Variants in GBP7 observed in about 807,000 individuals in gnomAD.
GBP7 encodes the protein guanylate binding protein 7.
GBP7 carries 43 observed loss-of-function variants against 61.3 expected under a neutral mutation model. That is an observed-to-expected ratio of 0.70 (90% CI 0.55 to 0.91). The LOEUF is 0.91. Among genes scored for constraint, GBP7 ranks in the 40% least tolerant of loss-of-function variants. The pLI, the probability that GBP7 is intolerant of heterozygous loss-of-function variation, is 0.00. For missense variants in GBP7, 717 were observed against 740.5 expected (o/e 0.97, Z 0.37); for synonymous variants, 267 against 271.0 (o/e 0.99, Z 0.14).
chr1:89,133,333 T>A lies in GBP7; in HGVS notation c.1587A>T (p.Gln529His). 6.2e-7 allele frequency: 1 copy of A among 1,614,056 alleles called. No homozygotes were observed. The highest frequency in any genetic ancestry group is 8.5e-7 in the Non-Finnish European group (1 of 1,179,964). The change falls in exon 10 of 11, where the codon CAA (glutamine) becomes CAT (histidine). Residue 529 changes from glutamine (Q) to histidine (H), a missense_variant. Around this residue, in one of 3 missense-constraint regions of GBP7, gnomAD observed 312 missense variants for 310.1 expected, o/e 1.01. Coordinates refer to ENST00000294671, the MANE Select transcript of GBP7 (RefSeq NM_207398.3). The part of the protein sequence containing the change: ...QERSFQENIA[Q>H]LKKKMERERE... ...TTTCCCTCTCCATCTTCTTCTTGAGTTGAGCTATGTTTTCCTGGAAACTTC... is the reference window on the plus strand; with the variant it reads ...TTTCCCTCTCCATCTTCTTCTTGAGATGAGCTATGTTTTCCTGGAAACTTC...
At chr1:89,161,769 T>C (rs1049075066) in intron 3 of GBP7, among the ~76,000 whole-genome samples, 1 of 152,212 alleles carries the variant, frequency 6.6e-6, no homozygotes, top group Non-Finnish European at 1.5e-5. Context: ...AGAAGCTCTT[T>C]AGTTAGTTCC....
chr1:89,151,716 A>C (rs1228306380), intron 5 of GBP7, among the ~76,000 whole-genome samples: 1 of 152,316 alleles, frequency 6.6e-6, no homozygotes. Context: ...AGGATTTGAC[A>C]GTCCTACTGG....
At position 89,132,012 on chromosome 1, in the gene GBP7, T is replaced by G; in HGVS notation, c.*137A>C. 1 of 570,418 alleles carries G rather than the reference T, an allele frequency of 1.8e-6. No individual in the cohort carries two copies. The highest frequency in any genetic ancestry group is 2.9e-6 in the Non-Finnish European group (1 of 345,930). 35.3% of individuals were successfully genotyped at this position (570,418 alleles called of 1,614,324 possible). A position where few individuals can be genotyped will look rare whatever the true frequency, so the allele number is the denominator to read the frequency against. On this transcript the variant is annotated 3_prime_UTR_variant, in exon 11 of 11. Transcript: ENST00000294671. The stretch of plus-strand genomic sequence containing the variant: ...AATTATTACTTTAGTCAAAATTAAG[T>G]TTGTTTTTATGAACTTCAGGCCATA...
chr1:89,157,725 C>G (rs944164316), intron 3 of GBP7, among the ~76,000 whole-genome samples: 5 of 141,888 alleles, frequency 3.5e-5, no homozygotes, highest in Non-Finnish European at 6.2e-5. Flanking sequence ...GCCTCCCAAC[C>G]AAAAAAAAAA....
At chr1:89,133,040 G>A (rs2100632527) in intron 10 of GBP7, among the ~76,000 whole-genome samples, 2 of 152,296 alleles carry the variant, frequency 1.3e-5, no homozygotes, top group Middle Eastern at 6.8e-3. Context: ...GCACCCTGGG[G>A]GATGTCATGT....
intron 1 of GBP7, among the ~76,000 whole-genome samples, chr1:89,174,855 A>G (rs901385804): frequency 3.9e-5 from 6 of 152,160 alleles, no homozygotes; most frequent in Non-Finnish European, 7.3e-5. Flanking sequence ...ATTGTTTTTA[A>G]TTATTTCATG....
At chr1:89,135,396 A>G (rs969581365) in intron 9 of GBP7, among the ~76,000 whole-genome samples, 1 of 152,180 alleles carries the variant, frequency 6.6e-6, no homozygotes, top group Non-Finnish European at 1.5e-5. Context: ...TGAAATGGTC[A>G]TCAGATTTTC....
chr1:89,137,277 G>GC (rs1363208380), intron 9 of GBP7, among the ~76,000 whole-genome samples: 1 of 152,006 alleles, frequency 6.6e-6, no homozygotes, highest in Non-Finnish European at 1.5e-5. Context: ...AAAATGGGGA[G>GC]CAGGGAATCT....
chr1:89,174,115 T>G (rs1647676168), intron 1 of GBP7, among the ~76,000 whole-genome samples: 1 of 152,370 alleles, frequency 6.6e-6, no homozygotes, highest in East Asian at 1.9e-4. Context: ...TTTATGTGGA[T>G]TATACCCCAG....
At chr1:89,155,265 G>C (rs577407413) in intron 3 of GBP7, among the ~76,000 whole-genome samples, 95 of 152,326 alleles carry the variant, frequency 6.2e-4, no homozygotes, top group African/African-American at 2.2e-3. Flanking sequence ...GAGCAGAAAA[G>C]CTGAAAATTC....
chr1:89,142,418 A>G (rs936540676), intron 8 of GBP7, among the ~76,000 whole-genome samples: 1 of 151,970 alleles, frequency 6.6e-6, no homozygotes, highest in African/African-American at 2.4e-5. Context: ...GGCTAATTTT[A>G]TTTTTTACTT....
At chr1:89,148,384 C>T (rs886175109) in intron 7 of GBP7, among the ~76,000 whole-genome samples, 1 of 152,206 alleles carries the variant, frequency 6.6e-6, no homozygotes, top group South Asian at 2.1e-4. Flanking sequence ...AGGATTTCCC[C>T]TCCGAGGTTT....
chr1:89,142,780 C>G (rs1178199355), intron 8 of GBP7, among the ~76,000 whole-genome samples: 1 of 13,184 alleles, frequency 7.6e-5, no homozygotes, highest in Non-Finnish European at 1.3e-4. Flanking sequence ...TTTCCTTGTT[C>G]CCTTCTTTCA....
At chr1:89,153,139 G>C (rs1489805650) in intron 3 of GBP7, among the ~76,000 whole-genome samples, 3 of 152,116 alleles carry the variant, frequency 2.0e-5, no homozygotes, top group Non-Finnish European at 2.9e-5. Context: ...TCTACTTTTT[G>C]TATGCAATAA....
chr1:89,171,514 A>C (rs1647598956), intron 2 of GBP7, among the ~76,000 whole-genome samples: 1 of 151,774 alleles, frequency 6.6e-6, no homozygotes, highest in Non-Finnish European at 1.5e-5. Flanking sequence ...TTATTATTTA[A>C]TTTTTTTATT....
chr1:89,132,113 G>A lies in GBP7; in HGVS notation c.*36C>T. On this transcript the variant is annotated 3_prime_UTR_variant, in exon 11 of 11. Transcript: ENST00000294671. ...GCAATAACACATATACTTTTAAAAT[G>A]AGCAACAGCGTTATACCATTTTAAC... 1 of 1,533,166 alleles carries A rather than the reference G, an allele frequency of 6.5e-7. No individual in the cohort carries two copies. The allele number at this position is 1,533,166 out of a possible 1,614,324, so 95.0% of individuals were successfully genotyped here. A position where few individuals can be genotyped will look rare whatever the true frequency, so the allele number is the denominator to read the frequency against.
rs2100650270 is a variant in GBP7 at position 89,154,622 on chromosome 1, C to G, written c.319-1845G>C. On this transcript the variant is annotated intron_variant, in intron 3 of 10. Coordinates refer to ENST00000294671, the MANE Select transcript of GBP7 (RefSeq NM_207398.3). ...TTGGCCTCCCAGAGTGCTGGAATTA[C>G]AGGTGTGAGCGACCACACCTGGCCT... 2.0e-5 allele frequency among the ~76,000 whole-genome samples: 3 copies of G among 151,230 alleles called. 1 individual carries two copies. The East Asian group carries it at 5.8e-4, about 29-fold the overall frequency.
At chr1:89,140,148 G>A (rs991355320) in intron 9 of GBP7, among the ~76,000 whole-genome samples, 2 of 151,916 alleles carry the variant, frequency 1.3e-5, no homozygotes, top group African/African-American at 4.8e-5. Flanking sequence ...ATAGGGACAT[G>A]GATGAAACTG....
chr1:89,161,534 C>CT lies in GBP7; in HGVS notation c.318+3196dup, dbSNP rs944993539. Among the ~76,000 whole-genome samples, 348 of 149,310 alleles carry CT rather than the reference C, an allele frequency of 2.3e-3. 1 individual carries two copies. The highest frequency in any genetic ancestry group is 8.1e-3 in the African/African-American group (330 of 40,738). ...TTCTCTAATGGTCAGTGATGTTAAG[C>CT]TTTTTTTTTTCCATATGATTGTTGG... On this transcript the variant is annotated intron_variant, in intron 3 of 10. Coordinates refer to ENST00000294671, the MANE Select transcript of GBP7 (RefSeq NM_207398.3).
Sources: allele counts gnomAD v4.1 joint callset (sites outside exome capture counted in the v4.1 genomes callset), GRCh38; gene constraint gnomAD v4.1.1; regional missense constraint gnomAD v4.1.1; transcripts MANE v1.5; gene names NCBI Gene and HGNC (gene_info 2026-07-23, HGNC 2026-07-21).